The following CD80 variants were observed in gnomAD, a reference collection of about 807,000 sequenced individuals.
CD80 encodes CD80 molecule, also known as T-lymphocyte activation antigen CD80.
In CD80, 13 loss-of-function variants were observed where a neutral mutation model predicts 27.1. That is an observed-to-expected ratio of 0.48 (90% confidence interval 0.31 to 0.76). CD80 has a LOEUF of 0.76. Among genes scored for constraint, CD80 ranks in the 30% least tolerant of loss-of-function variants. CD80 has a pLI of 0.04. For missense variants in CD80, 277 were observed against 347.9 expected, an observed-to-expected ratio of 0.80 and a Z score of 1.62; for synonymous variants, 125 against 125.5, an observed-to-expected ratio of 1.00 and a Z score of 0.03.
chr3:119,537,712 G>A (rs1191797248), intron 3 of CD80, among the ~76,000 whole-genome samples: 1 of 152,186 alleles, frequency 6.6e-6, no homozygotes, highest in Non-Finnish European at 1.5e-5. Flanking sequence ...TAAGGCAAGA[G>A]AATGGCTTGA....
chr3:119,531,863 C>T (rs2082113527), intron 4 of CD80, among the ~76,000 whole-genome samples: 1 of 152,096 alleles, frequency 6.6e-6, no homozygotes, highest in Admixed American at 6.6e-5. Flanking sequence ...GGGGTTTCCC[C>T]ATGTTGGCCA....
rs2082190989 is a variant in CD80, at chr3:119,544,796, C to G, written c.172G>C (p.Glu58Gln). 1 of 1,614,198 alleles carries G rather than the reference C, an allele frequency of 6.2e-7. No homozygotes were observed. Among genetic ancestry groups the G allele is most frequent in the Non-Finnish European group, 8.5e-7 (1 of 1,180,024 alleles). Residue 58 changes from glutamate to glutamine, a missense_variant, in exon 3 of 7, where the codon GAG becomes CAG. By Grantham distance (29) the Glu-to-Gln change is conservative (BLOSUM62 2). Transcript: ENST00000264246. ...LSCGHNVSVE[E>Q]LAQTRIYWQK... ...CAGTAGATGCGAGTTTGTGCCAGCT[C>G]TTCAACAGAAACATTGTGACCACAG...
chr3:119,544,647 G>A lies in CD80; in HGVS notation c.321C>T (p.Arg107=), dbSNP rs752132958. 1.2e-6 allele frequency: 2 copies of A among 1,614,096 alleles called. No individual in the cohort carries two copies. The highest frequency in any genetic ancestry group is 1.7e-6 in the Non-Finnish European group (2 of 1,180,034). The change falls in exon 3 of 7, where the codon CGC becomes CGT. Residue 107 remains arginine, a synonymous_variant. Coordinates refer to ENST00000264246, the MANE Select transcript of CD80 (RefSeq NM_005191.4). Reference sequence around the variant, plus strand: ...ACTCGTATGTGCCCTCGTCAGATGGGCGCAGAGCCAGGATCACAATGGAGA... The same window carrying A: ...ACTCGTATGTGCCCTCGTCAGATGGACGCAGAGCCAGGATCACAATGGAGA... ...NNLSIVILAL[R]PSDEGTYECV...
chr3:119,526,680 T>C (rs984888206), intron 6 of CD80, among the ~76,000 whole-genome samples: 2 of 152,182 alleles, frequency 1.3e-5, no homozygotes, highest in Non-Finnish European at 2.9e-5. Context: ...CTCATAGAGA[T>C]TTTTATAAGA....
chr3:119,530,460 A>G (rs1278786987), intron 4 of CD80, among the ~76,000 whole-genome samples: 1 of 152,160 alleles, frequency 6.6e-6, no homozygotes, highest in Non-Finnish European at 1.5e-5. Flanking sequence ...TTCACCCTCT[A>G]GCTACTGGAA....
intron 2 of CD80, among the ~76,000 whole-genome samples, chr3:119,556,691 CT>C (rs2082266661): frequency 6.6e-6 from 1 of 152,186 alleles, no homozygotes; most frequent in Non-Finnish European, 1.5e-5. Flanking sequence ...CTCTGATATT[CT>C]AGGCAGTACT....
chr3:119,538,131 G>C (rs545794669), intron 3 of CD80, among the ~76,000 whole-genome samples: 2 of 152,196 alleles, frequency 1.3e-5, no homozygotes, highest in African/African-American at 4.8e-5. Flanking sequence ...GATCTAAAAA[G>C]GTCAAAGATC....
intron 2 of CD80, among the ~76,000 whole-genome samples, chr3:119,556,999 G>A (rs1198152427): frequency 2.0e-5 from 3 of 152,154 alleles, no homozygotes; most frequent in Admixed American, 1.3e-4. Flanking sequence ...TAATACCTAT[G>A]TGGCAGATTA....
intron 3 of CD80, 88 bp downstream of exon 3, chr3:119,544,462 T>C: frequency 8.6e-7 from 1 of 1,164,014 alleles, no homozygotes; most frequent in Non-Finnish European, 1.2e-6. Context: ...CCCTCTTTGG[T>C]AAAATTTTCA....
chr3:119,526,773 TC>T (rs963144913), intron 6 of CD80, among the ~76,000 whole-genome samples: 4 of 152,230 alleles, frequency 2.6e-5, no homozygotes, highest in African/African-American at 9.6e-5. Context: ...TATTTCCCCC[TC>T]CTGCCCAGGA....
At position 119,557,641 on chromosome 3, in the gene CD80, G is replaced by A; in HGVS notation, c.88C>T (p.His30Tyr). 1 of 1,613,274 alleles carries A rather than the reference G, an allele frequency of 6.2e-7. No individual in the cohort carries two copies. The highest frequency in any genetic ancestry group is 8.5e-7 in the Non-Finnish European group (1 of 1,179,456). The change falls in exon 2 of 7, where the codon CAC (histidine) becomes TAC (tyrosine). Residue 30 changes from histidine (H) to tyrosine (Y), a missense_variant. Coordinates refer to ENST00000264246, the MANE Select transcript of CD80 (RefSeq NM_005191.4). ...GAAAGTTGCTTACCTGAACAGAAGT[G>A]AGAAAGACCAGCCAGCACCAAGAGC... ...FQLLVLAGLS[H>Y]FCSGVIHVTK...
At chr3:119,558,744 C>T (rs143720988) in intron 1 of CD80, among the ~76,000 whole-genome samples, 3 of 137,586 alleles carry the variant, frequency 2.2e-5, no homozygotes, top group East Asian at 2.1e-4. Context: ...CCAGCCTAGG[C>T]GACAGAGTGA....
Position 119,530,088 on chromosome 3 carries a change from T to C in CD80, c.701-151A>G, listed in dbSNP as rs991707466. ...GCTAGCATTTTTCTTGCATAATTCT[T>C]CAATCAGGCACATACTTGTGGGCAA... On this transcript the variant is annotated intron_variant, in intron 4 of 6. Transcript: ENST00000264246. 163 of 585,644 alleles carry C rather than the reference T, an allele frequency of 2.8e-4. 2 individuals are homozygous for C. The South Asian group carries it at 3.6e-3, about 13-fold the overall frequency. The allele number at this position is 585,644 out of a possible 1,614,324, so 36.3% of individuals were successfully genotyped here. A position where few individuals can be genotyped will look rare whatever the true frequency, so the allele number is the denominator to read the frequency against.
intron 2 of CD80, among the ~76,000 whole-genome samples, chr3:119,550,821 G>A (rs6808536): frequency 1.4e-5 from 2 of 145,034 alleles, no homozygotes; most frequent in African/African-American, 5.2e-5. Context: ...GAGGGAGCCA[G>A]TGTCTTCCCC....
intron 5 of CD80, among the ~76,000 whole-genome samples, chr3:119,528,217 TA>T (rs537522356): frequency 8.5e-5 from 13 of 152,186 alleles, no homozygotes; most frequent in Non-Finnish European, 1.9e-4. Context: ...TAGTTGGTAT[TA>T]GAAACATCCT....
intron 2 of CD80, 114 bp downstream of exon 2, chr3:119,557,515 C>T: frequency 3.2e-6 from 2 of 616,458 alleles, no homozygotes; most frequent in Non-Finnish European, 2.7e-6. Flanking sequence ...TGAAAACACC[C>T]TGAAGGTTCC....
At chr3:119,533,811 A>G (rs551910064) in intron 4 of CD80, among the ~76,000 whole-genome samples, 65 of 152,014 alleles carry the variant, frequency 4.3e-4, no homozygotes, top group African/African-American at 1.4e-3. Flanking sequence ...GGACTAATAC[A>G]TTTTCACCTC....
chr3:119,556,581 A>G (rs1416097836), intron 2 of CD80, among the ~76,000 whole-genome samples: 1 of 152,224 alleles, frequency 6.6e-6, no homozygotes, highest in Non-Finnish European at 1.5e-5. Context: ...GAAACAATGT[A>G]AAATAGCTCT....
At chr3:119,536,627 T>C (rs2082139843) in intron 4 of CD80, among the ~76,000 whole-genome samples, 1 of 152,230 alleles carries the variant, frequency 6.6e-6, no homozygotes, top group Non-Finnish European at 1.5e-5. Context: ...CATGAGCCAC[T>C]GTGCCCAGTC....
Sources: allele counts gnomAD v4.1 joint callset (sites outside exome capture counted in the v4.1 genomes callset), GRCh38; gene constraint gnomAD v4.1.1; transcripts MANE v1.5; gene names NCBI Gene and HGNC (gene_info 2026-07-23, HGNC 2026-07-21).